Variants in ZNF429 observed in about 807,000 individuals in gnomAD.
The protein encoded by ZNF429 is zinc finger protein 429.
Under a neutral mutation model 56.8 loss-of-function variants are expected in ZNF429, and 53 were observed. The observed-to-expected ratio is 0.93, with a 90% CI of 0.75 to 1.17. The LOEUF (loss-of-function observed/expected upper bound fraction) is 1.17. Among genes scored for constraint, ZNF429 ranks in the 50% most tolerant of loss-of-function variants. ZNF429 has a pLI of 0.00. For missense variants in ZNF429, 849 were observed against 788.4 expected, an observed-to-expected ratio of 1.08 and a Z score of -0.92; for synonymous variants, 278 against 264.7, an observed-to-expected ratio of 1.05 and a Z score of -0.49.
chr19:21,524,950 G>A (rs1474522330), intron 1 of ZNF429, among the ~76,000 whole-genome samples: 2 of 152,140 alleles, frequency 1.3e-5, no homozygotes, highest in Admixed American at 1.3e-4. Context: ...GAGACTCAAA[G>A]CAGATAAACT....
In ZNF429 at chr19:21,536,927, A is replaced by G. The variant is rs1008582632; in HGVS notation, c.874A>G (p.Lys292Glu). The G allele has an allele frequency of 5.6e-6, 9 of 1,612,414 alleles. No individual in the cohort carries two copies. The highest frequency in any genetic ancestry group is 2.2e-5 in the East Asian group (1 of 44,856). The change falls in exon 4 of 4, where the codon AAA (lysine) becomes GAA (glutamate). Residue 292 changes from lysine to glutamate, a missense_variant. By Grantham distance (56) the Lys-to-Glu change is moderately conservative. Transcript: ENST00000358491. Reference protein sequence around the residue: ...EKPYKCDECGKTFSISSTFTK... With the variant: ...EKPYKCDECGETFSISSTFTK... ...GCCCTACAAATGTGATGAATGTGGC[A>G]AAACCTTTAGCATATCCTCAACCTT...
At position 21,536,369 on chromosome 19, in the gene ZNF429, C is replaced by A; in HGVS notation, c.316C>A (p.Arg106Ser). ...AGTGACACTGAGGAGATATGATAAA[C>A]GTGGACATGAGAACTTACAATTAAG... ...QKVTLRRYDK[R>S]GHENLQLRKG... The change falls in exon 4 of 4, where the codon CGT (arginine) becomes AGT (serine). Residue 106 changes from arginine (R) to serine (S), a missense_variant. Transcript: ENST00000358491. The A allele has an allele frequency of 6.2e-7, 1 of 1,610,930 alleles. No homozygotes were observed. The highest frequency in any genetic ancestry group is 8.5e-7 in the Non-Finnish European group (1 of 1,178,826).
intron 3 of ZNF429, among the ~76,000 whole-genome samples, chr19:21,532,382 T>C: frequency 1.7e-4 from 26 of 152,096 alleles, no homozygotes; most frequent in Admixed American, 3.9e-4. Context: ...TTCAACACTA[T>C]AGTAATACAA....
rs954428119 is a variant in ZNF429, at chr19:21,539,721, G to T, written c.*1643G>T. ...GCTGGGATTGCAGCCATGAGCCACT[G>T]CACCCAGCCCAAAGTATGCTTTTAA... On this transcript the variant is annotated 3_prime_UTR_variant, in exon 4 of 4. Coordinates refer to ENST00000358491, the MANE Select transcript of ZNF429 (RefSeq NM_001001415.4). Among the ~76,000 whole-genome samples, 1 of 151,708 alleles carries T rather than the reference G, an allele frequency of 6.6e-6. No homozygotes were observed. The highest frequency in any genetic ancestry group is 1.5e-5 in the Non-Finnish European group (1 of 67,984).
rs1568433541 is a variant in ZNF429, at chr19:21,537,121, T to A, written c.1068T>A (p.Leu356=). The stretch of plus-strand genomic sequence containing the variant: ...AAGCCTTTAACTGGTCTTCAACTCT[T>A]ACTAAACATAAGGTAATTCATACTG... ...CGKAFNWSST[L]TKHKVIHTGE... is the part of the protein sequence containing the mutation. Residue 356 remains leucine (L), a synonymous_variant, in exon 4 of 4, where the codon CTT becomes CTA. Transcript: ENST00000358491. 6.2e-7 allele frequency: 1 copy of A among 1,613,694 alleles called. No individual in the cohort carries two copies. The highest frequency in any genetic ancestry group is 8.5e-7 in the Non-Finnish European group (1 of 1,179,874).
intron 1 of ZNF429, among the ~76,000 whole-genome samples, chr19:21,506,888 C>T (rs1382211437): frequency 6.6e-6 from 1 of 151,166 alleles, no homozygotes; most frequent in African/African-American, 2.4e-5. Context: ...CCTGCCTCAG[C>T]CTCCTGAGTA....
chr19:21,508,228 A>T lies in ZNF429; in HGVS notation c.3+2454A>T, dbSNP rs552090027. 1.8e-3 allele frequency among the ~76,000 whole-genome samples: 274 copies of T among 151,150 alleles called. 2 individuals are homozygous for T. The highest frequency in any genetic ancestry group is 6.4e-3 in the African/African-American group (263 of 40,928). ...ATTGCACTCCAGCCTGTGCAACACG[A>T]GTGAAACTCCATCTGAAAAAAAAAA... On this transcript the variant is annotated intron_variant, in intron 1 of 3. Transcript: ENST00000358491.
intron 3 of ZNF429, among the ~76,000 whole-genome samples, chr19:21,532,200 T>C: frequency 6.6e-6 from 1 of 152,124 alleles, no homozygotes; most frequent in Non-Finnish European, 1.5e-5. Flanking sequence ...GCCATATTAT[T>C]CAAAGTGATC....
At chr19:21,534,871 G>A in intron 3 of ZNF429, among the ~76,000 whole-genome samples, 1 of 150,338 alleles carries the variant, frequency 6.7e-6, no homozygotes, top group African/African-American at 2.4e-5. Context: ...GTGCAGTGGC[G>A]TGATCTCGGC....
chr19:21,509,533 G>A (rs564205699), intron 1 of ZNF429, among the ~76,000 whole-genome samples: 1 of 152,298 alleles, frequency 6.6e-6, no homozygotes, highest in South Asian at 2.1e-4. Flanking sequence ...CTAATATTGA[G>A]CCTGCAAAAG....
In ZNF429 at chr19:21,535,407, T is replaced by TAC; in HGVS notation, c.227-873_227-872insAC. On this transcript the variant is annotated intron_variant, in intron 3 of 3. Coordinates refer to ENST00000358491, the MANE Select transcript of ZNF429 (RefSeq NM_001001415.4). ...TTACTTTCTTTCTTTCTTTCTTTCT[T>TAC]TTTCTTTTCTTTCTTTCTTTCTTTC... Among the ~76,000 whole-genome samples, 7 of 11,472 alleles carry TAC rather than the reference T, an allele frequency of 6.1e-4. 1 individual carries two copies. The highest frequency in any genetic ancestry group is 3.5e-3 in the African/African-American group (5 of 1,410). 7.5% of individuals were successfully genotyped at this position (11,472 alleles called of 152,430 possible). A position where few individuals can be genotyped will look rare whatever the true frequency, so the allele number is the denominator to read the frequency against.
At chr19:21,517,401 T>G (rs2032795081) in intron 1 of ZNF429, among the ~76,000 whole-genome samples, 1 of 151,916 alleles carries the variant, frequency 6.6e-6, no homozygotes, top group East Asian at 1.9e-4. Flanking sequence ...GAGTTTTCTT[T>G]TTTTTGTTTT....
chr19:21,535,484 CTT>C, intron 3 of ZNF429, among the ~76,000 whole-genome samples: 1 of 70,720 alleles, frequency 1.4e-5, no homozygotes, highest in East Asian at 3.9e-4. Context: ...TTCTTTCTTT[CTT>C]TCTTTCTTTC....
intron 1 of ZNF429, among the ~76,000 whole-genome samples, chr19:21,524,219 A>G (rs775834389): frequency 3.0e-4 from 45 of 152,180 alleles, no homozygotes; most frequent in Non-Finnish European, 5.1e-4. Flanking sequence ...CCATAACACA[A>G]CTATACCTAC....
chr19:21,526,082 G>A (rs1307334604), intron 1 of ZNF429, among the ~76,000 whole-genome samples: 1 of 85,078 alleles, frequency 1.2e-5, no homozygotes, highest in Admixed American at 1.2e-4. Flanking sequence ...TTCAGACATT[G>A]CTGCCTTCTG....
intron 1 of ZNF429, among the ~76,000 whole-genome samples, chr19:21,510,724 G>A (rs1000564455): frequency 1.5e-4 from 22 of 151,518 alleles, no homozygotes; most frequent in Non-Finnish European, 2.7e-4. Flanking sequence ...AGAGGACCCT[G>A]TGGCCTTCCG....
Position 21,536,315 on chromosome 19 carries a change from G to C in ZNF429, c.262G>C (p.Glu88Gln), listed in dbSNP as rs992289473. ...CSHFAEDFWP[E>Q]QDIKDSFQKV... ...TCATTTTGCTGAAGACTTTTGGCCA[G>C]AGCAAGACATAAAAGATTCTTTCCA... is the stretch of plus-strand genomic sequence containing the variant. The change falls in exon 4 of 4, where the codon GAG becomes CAG. Residue 88 changes from glutamate to glutamine, a missense_variant. Coordinates refer to ENST00000358491, the MANE Select transcript of ZNF429 (RefSeq NM_001001415.4). 1 of 1,604,206 alleles carries C rather than the reference G, an allele frequency of 6.2e-7. No homozygotes were observed. The highest frequency in any genetic ancestry group is 2.2e-5 in the East Asian group (1 of 44,748).
rs2681382 is a variant in ZNF429, at chr19:21,540,462, G to C, written c.*2384G>C. Among the ~76,000 whole-genome samples, 29,617 of 151,666 alleles carry C rather than the reference G, an allele frequency of 0.2. 2,965 individuals are homozygous for C. The highest frequency in any genetic ancestry group is 0.22 in the Middle Eastern group (64 of 294). ...TATGCAAATCTGGCATATTTTGATA[G>C]AGGCATACAATATGTAATAATTACA... On this transcript the variant is annotated 3_prime_UTR_variant, in exon 4 of 4. Coordinates refer to ENST00000358491, the MANE Select transcript of ZNF429 (RefSeq NM_001001415.4).
chr19:21,520,864 GTTT>G (rs2032963828), intron 1 of ZNF429, among the ~76,000 whole-genome samples: 2 of 152,138 alleles, frequency 1.3e-5, no homozygotes, highest in Admixed American at 1.3e-4. Flanking sequence ...TATGTGTAGT[GTTT>G]GTCAACAACC....
Sources: gnomAD v4.1 joint callset for allele counts (sites outside exome capture counted in the v4.1 genomes callset) on GRCh38, gnomAD v4.1.1 for gene constraint, MANE v1.5 for transcripts, NCBI Gene and HGNC (gene_info 2026-07-23, HGNC 2026-07-21) for gene names.